YTHDC1: variants seen among roughly 807,000 people sequenced by gnomAD.
YTHDC1 encodes YTH N6-methyladenosine RNA binding protein C1.
YTHDC1 carries 12 observed loss-of-function variants against 107.0 expected under a neutral mutation model. That is an observed-to-expected ratio of 0.11 (90% CI 0.07 to 0.18). The LOEUF (loss-of-function observed/expected upper bound fraction) is 0.18, where lower values mean the gene tolerates loss of function less well. YTHDC1 is among the 10% of genes least tolerant of loss of function. The pLI, the probability that YTHDC1 is intolerant of heterozygous loss-of-function variation, is 1.00. For missense variants in YTHDC1, 635 were observed against 898.8 expected (o/e 0.71, Z 3.75); for synonymous variants, 280 against 289.5 (o/e 0.97, Z 0.33).
chr4:68,334,299 T>A (rs1487536426), intron 4 of YTHDC1, among the ~76,000 whole-genome samples: 2 of 152,128 alleles, frequency 1.3e-5, no homozygotes, highest in Non-Finnish European at 2.9e-5. Context: ...AAAATAATAA[T>A]CAGTGATCAT....
Position 68,333,360 on chromosome 4 carries a change from T to G in YTHDC1, c.921A>C (p.Ile307=). The change falls in exon 5 of 17, where the codon ATA becomes ATC. Residue 307 remains isoleucine, a synonymous_variant. Coordinates refer to ENST00000344157, the MANE Select transcript of YTHDC1 (RefSeq NM_001031732.4). ...CACTTCTATCAAAAACAATTGGAGA[T>G]ATGCCTCTAGCTCTCTTCCTTTCCT... ...KKKERKRARG[I]SPIVFDRSGS... 1 of 1,613,044 alleles carries G rather than the reference T, an allele frequency of 6.2e-7. No individual in the cohort carries two copies. Among genetic ancestry groups the G allele is most frequent in the Non-Finnish European group, 8.5e-7 (1 of 1,179,414 alleles).
In YTHDC1 at chr4:68,337,681, A is replaced by G. The variant is rs769178759; in HGVS notation, c.350T>C (p.Leu117Pro). The G allele has an allele frequency of 1.2e-6, 2 of 1,614,172 alleles. No individual in the cohort carries two copies. The highest frequency in any genetic ancestry group is 1.1e-5 in the South Asian group (1 of 91,082). Residue 117 changes from leucine (L) to proline (P), a missense_variant, in exon 3 of 17, where the codon CTA becomes CCA. Transcript: ENST00000344157. ...KRLDADRKIRLSSSASREPYK... is the reference protein window; with the variant it reads ...KRLDADRKIRPSSSASREPYK... ...AGGTTCTCTGGAGGCACTACTTGAT[A>G]GACGAATTTTCCGATCAGCATCTAG... is the stretch of plus-strand genomic sequence containing the variant.
intron 1 of YTHDC1, among the ~76,000 whole-genome samples, chr4:68,343,000 A>G (rs552868227): frequency 3.3e-5 from 5 of 152,312 alleles, no homozygotes; most frequent in African/African-American, 1.2e-4. Context: ...CAATTACTTC[A>G]TAATAGTTTG....
chr4:68,346,922 T>C (rs1427533879), intron 1 of YTHDC1, among the ~76,000 whole-genome samples: 1 of 152,122 alleles, frequency 6.6e-6, no homozygotes, highest in Non-Finnish European at 1.5e-5. Context: ...CTGTGGATCT[T>C]AGAACGTATT....
At position 68,330,411 on chromosome 4, in the gene YTHDC1, AT is replaced by A. The variant is rs1225950601; in HGVS notation, c.1123-102del. ...AACTACATATTTTGGTGTGCTTTCA[AT>A]TTAAGTAAGCTATAATGAAGAAAGG... On this transcript the variant is annotated intron_variant, in intron 7 of 16. Transcript: ENST00000344157. 1.4e-5 allele frequency: 10 copies of A among 693,770 alleles called. No individual in the cohort carries two copies. The African/African-American group carries it at 1.8e-4, about 12-fold the overall frequency. 43.0% of individuals were successfully genotyped at this position (693,770 alleles called of 1,614,324 possible).
At chr4:68,323,325 T>A (rs1722637436) in intron 10 of YTHDC1, among the ~76,000 whole-genome samples, 1 of 152,232 alleles carries the variant, frequency 6.6e-6, no homozygotes, top group Non-Finnish European at 1.5e-5. Context: ...TACATTAGAT[T>A]TACCACAAAG....
chr4:68,339,898 C>A (rs1054047628), intron 1 of YTHDC1, among the ~76,000 whole-genome samples: 1 of 152,132 alleles, frequency 6.6e-6, no homozygotes, highest in Non-Finnish European at 1.5e-5. Context: ...CCACTTCTAC[C>A]TTGTCCAACA....
At chr4:68,314,426 A>C in intron 16 of YTHDC1, 103 bp from the exon 17 acceptor site, 1 of 987,482 alleles carries the variant, frequency 1.0e-6, no homozygotes, top group Non-Finnish European at 1.4e-6. Flanking sequence ...TTAAAATATA[A>C]AAAAAGAAAA....
chr4:68,335,226 A>C (rs1287745535), intron 4 of YTHDC1, among the ~76,000 whole-genome samples: 2 of 152,136 alleles, frequency 1.3e-5, no homozygotes, highest in African/African-American at 4.8e-5. Context: ...TTTTATTTAA[A>C]AACTGACGTC....
At chr4:68,326,406 T>G (rs1254946223) in intron 9 of YTHDC1, among the ~76,000 whole-genome samples, 1 of 152,188 alleles carries the variant, frequency 6.6e-6, no homozygotes, top group Non-Finnish European at 1.5e-5. Flanking sequence ...GCATCCTTAT[T>G]TTATCCTTTC....
chr4:68,330,579 A>G (rs1723464803), intron 7 of YTHDC1, among the ~76,000 whole-genome samples: 1 of 152,170 alleles, frequency 6.6e-6, no homozygotes, highest in African/African-American at 2.4e-5. Context: ...AGGGACTAGA[A>G]TTCTATATAG....
At chr4:68,348,784 T>C (rs1198096897) in intron 1 of YTHDC1, among the ~76,000 whole-genome samples, 2 of 152,220 alleles carry the variant, frequency 1.3e-5, no homozygotes, top group East Asian at 1.9e-4. Context: ...ACAGAAGAGA[T>C]GTGTGAGACA....
chr4:68,329,160 TTCTTC>T (rs1405622883), intron 9 of YTHDC1, among the ~76,000 whole-genome samples: 2 of 152,112 alleles, frequency 1.3e-5, no homozygotes, highest in South Asian at 2.1e-4. Flanking sequence ...TTGCCCTCTG[TTCTTC>T]TCTTTTCCTA....
chr4:68,318,448 C>A, intron 15 of YTHDC1, 71 bp downstream of exon 15: 1 of 1,407,626 alleles, frequency 7.1e-7, no homozygotes, highest in Non-Finnish European at 9.7e-7. Context: ...CAATCATATT[C>A]CGAGTAAGCA....
At chr4:68,330,435 A>C in intron 7 of YTHDC1, 125 bp from the exon 8 acceptor site, 1 of 564,964 alleles carries the variant, frequency 1.8e-6, no homozygotes, top group South Asian at 4.8e-5. Flanking sequence ...TAATGAAGAA[A>C]GGTTTTATTT....
At chr4:68,332,553 T>TACAC (rs200817025) in intron 6 of YTHDC1, among the ~76,000 whole-genome samples, 6,357 of 151,648 alleles carry the variant, frequency 0.042, 184 homozygotes, top group Middle Eastern at 0.095. Context: ...CATACACACA[T>TACAC]ACACACACAC....
chr4:68,330,140 T>A (rs752348524), intron 8 of YTHDC1, 21 bp from the exon 9 acceptor site: 1 of 1,595,242 alleles, frequency 6.3e-7, no homozygotes, highest in Non-Finnish European at 8.6e-7. Context: ...CATATCATAA[T>A]ATAATATGTA....
At chr4:68,341,069 C>T (rs1338052091) in intron 1 of YTHDC1, among the ~76,000 whole-genome samples, 1 of 152,036 alleles carries the variant, frequency 6.6e-6, no homozygotes, top group Non-Finnish European at 1.5e-5. Context: ...AATTTTATCA[C>T]TTTTAAAATA....
chr4:68,336,408 T>G (rs184053773), intron 4 of YTHDC1, among the ~76,000 whole-genome samples: 181 of 152,158 alleles, frequency 1.2e-3, no homozygotes, highest in Non-Finnish European at 1.9e-3. Flanking sequence ...AGAGGCAGGA[T>G]ATATATAGCA....
Sources: allele counts gnomAD v4.1 joint callset (sites outside exome capture counted in the v4.1 genomes callset), GRCh38; gene constraint gnomAD v4.1.1; transcripts MANE v1.5; gene names NCBI Gene and HGNC (gene_info 2026-07-23, HGNC 2026-07-21).